HCN1: variants seen among roughly 807,000 people sequenced by gnomAD.
HCN1 encodes potassium/sodium hyperpolarization-activated cyclic nucleotide-gated channel 1.
A neutral mutation model predicts 78.9 loss-of-function variants in HCN1; 13 were observed. The observed-to-expected ratio is 0.16, with a 90% confidence interval of 0.11 to 0.26. The LOEUF (loss-of-function observed/expected upper bound fraction) is 0.26, where lower values mean the gene tolerates loss of function less well. Among genes scored for constraint, HCN1 ranks in the 10% least tolerant of loss-of-function variants. HCN1 has a pLI of 1.00. For missense variants in HCN1, 810 were observed against 1,154.3 expected, an observed-to-expected ratio of 0.70 and a Z score of 4.32; for synonymous variants, 552 against 455.5, an observed-to-expected ratio of 1.21 and a Z score of -2.70.
At chr5:45,618,330 G>A (rs1342544206) in intron 2 of HCN1, among the ~76,000 whole-genome samples, 1 of 152,018 alleles carries the variant, frequency 6.6e-6, no homozygotes, top group Non-Finnish European at 1.5e-5. Flanking sequence ...GTGATAAGCA[G>A]AAGCACAGAG....
At chr5:45,392,002 A>G (rs984246961) in intron 4 of HCN1, among the ~76,000 whole-genome samples, 2 of 152,152 alleles carry the variant, frequency 1.3e-5, no homozygotes, top group African/African-American at 4.8e-5. Context: ...TGTTGAGAGA[A>G]CAATGATCCT....
intron 1 of HCN1, among the ~76,000 whole-genome samples, chr5:45,664,456 A>G (rs1745991503): frequency 6.8e-6 from 1 of 147,560 alleles, no homozygotes. Flanking sequence ...TTAAAGTATA[A>G]TAATAATAAA....
intron 1 of HCN1, among the ~76,000 whole-genome samples, chr5:45,675,843 A>G (rs1746255617): frequency 6.6e-6 from 1 of 151,866 alleles, no homozygotes; most frequent in African/African-American, 2.4e-5. Context: ...TCTAAATAGC[A>G]TGAATAAATG....
At chr5:45,389,487 C>G (rs2112033504) in intron 4 of HCN1, among the ~76,000 whole-genome samples, 1 of 152,184 alleles carries the variant, frequency 6.6e-6, no homozygotes, top group Non-Finnish European at 1.5e-5. Flanking sequence ...CCTCCTAACC[C>G]CACCCACTAT....
At chr5:45,341,213 C>T (rs1746573410) in intron 5 of HCN1, among the ~76,000 whole-genome samples, 1 of 152,078 alleles carries the variant, frequency 6.6e-6, no homozygotes, top group Non-Finnish European at 1.5e-5. Context: ...AAGATGAAGC[C>T]CATAACAGCA....
chr5:45,364,881 G>A (rs1747201481), intron 4 of HCN1, among the ~76,000 whole-genome samples: 1 of 152,064 alleles, frequency 6.6e-6, no homozygotes, highest in Non-Finnish European at 1.5e-5. Context: ...GAGAATTACA[G>A]TAGTTGAGAT....
At chr5:45,410,972 A>G (rs1740010628) in intron 3 of HCN1, among the ~76,000 whole-genome samples, 1 of 152,132 alleles carries the variant, frequency 6.6e-6, no homozygotes, top group South Asian at 2.1e-4. Flanking sequence ...ACAACTTCAC[A>G]GAGAATTCAA....
chr5:45,523,577 T>C (rs1276376132), intron 2 of HCN1, among the ~76,000 whole-genome samples: 5 of 152,184 alleles, frequency 3.3e-5, no homozygotes, highest in Non-Finnish European at 5.9e-5. Flanking sequence ...TGGTATCTCA[T>C]TGTGGTTTTG....
At chr5:45,675,486 T>C (rs951914644) in intron 1 of HCN1, among the ~76,000 whole-genome samples, 2 of 151,830 alleles carry the variant, frequency 1.3e-5, no homozygotes, top group Admixed American at 1.3e-4. Flanking sequence ...CTAAATTCTC[T>C]CTATACACAC....
chr5:45,674,760 A>G (rs1230608895), intron 1 of HCN1, among the ~76,000 whole-genome samples: 2 of 151,740 alleles, frequency 1.3e-5, no homozygotes, highest in African/African-American at 2.4e-5. Flanking sequence ...ATAAGAAAGT[A>G]TAGAATAAAT....
Position 45,258,636 on chromosome 5 carries a change from T to A in HCN1, c.*3285A>T, listed in dbSNP as rs1034997268. 1.3e-5 allele frequency: 2 copies of A among 152,118 alleles called. No individual in the cohort carries two copies. Among genetic ancestry groups the A allele is most frequent in the Non-Finnish European group, 2.9e-5 (2 of 67,976 alleles). 9.4% of individuals were successfully genotyped at this position (152,118 alleles called of 1,614,324 possible). On this transcript the variant is annotated 3_prime_UTR_variant, in exon 8 of 8. Transcript: ENST00000303230. ...TGGGGAGGTTCTATCACTCTCCAAA[T>A]AACTTTGCAGGGCCCAAGGCTATAA...
chr5:45,274,137 A>G (rs1227544519), intron 6 of HCN1, among the ~76,000 whole-genome samples: 1 of 152,148 alleles, frequency 6.6e-6, no homozygotes, highest in Non-Finnish European at 1.5e-5. Context: ...TCATGTATAG[A>G]TTACATATTA....
chr5:45,285,784 C>G (rs556078308), intron 6 of HCN1, among the ~76,000 whole-genome samples: 46 of 151,970 alleles, frequency 3.0e-4, no homozygotes, highest in Admixed American at 1.2e-3. Context: ...ATCCATACCC[C>G]CTTGCAGAAC....
intron 2 of HCN1, among the ~76,000 whole-genome samples, chr5:45,485,495 A>G (rs1424087740): frequency 1.3e-5 from 2 of 152,120 alleles, no homozygotes; most frequent in African/African-American, 4.8e-5. Context: ...AAAACAAAAC[A>G]GTTTTTTCAT....
In HCN1 at chr5:45,426,193, T is replaced by C. The variant is rs549055375; in HGVS notation, c.1012-29483A>G. On this transcript the variant is annotated intron_variant, in intron 3 of 7. Transcript: ENST00000303230. Reference sequence around the variant, plus strand: ...TGCATGTGATTCTTACGTTGCAATATTTACATGTATGGTGAATACCTTTTT... The same window carrying C: ...TGCATGTGATTCTTACGTTGCAATACTTACATGTATGGTGAATACCTTTTT... Among the ~76,000 whole-genome samples the C allele has an allele frequency of 1.6e-4, 24 of 152,334 alleles. No individual in the cohort carries two copies. The East Asian group carries it at 4.6e-3, about 29-fold the overall frequency.
chr5:45,450,968 C>T (rs1740903661), intron 3 of HCN1, among the ~76,000 whole-genome samples: 1 of 152,088 alleles, frequency 6.6e-6, no homozygotes, highest in African/African-American at 2.4e-5. Flanking sequence ...GCTTCTATCT[C>T]CTACTTCTAT....
chr5:45,566,643 A>T (rs1029479699), intron 2 of HCN1, among the ~76,000 whole-genome samples: 4 of 152,184 alleles, frequency 2.6e-5, no homozygotes, highest in Non-Finnish European at 4.4e-5. Context: ...AAGAGGAAAG[A>T]AAAATAACAA....
chr5:45,450,887 T>G (rs1171673200), intron 3 of HCN1, among the ~76,000 whole-genome samples: 1 of 152,148 alleles, frequency 6.6e-6, no homozygotes, highest in African/African-American at 2.4e-5. Flanking sequence ...GTGACAATGG[T>G]GAATGGTCTC....
intron 2 of HCN1, chr5:45,560,028 A>C (rs1364433522): frequency 1.3e-5 from 2 of 152,168 alleles, no homozygotes; most frequent in South Asian, 2.1e-4. Flanking sequence ...TTTACCAATA[A>C]AGAATTTTTT....
Sources: allele counts gnomAD v4.1 joint callset (sites outside exome capture counted in the v4.1 genomes callset), GRCh38; gene constraint gnomAD v4.1.1; transcripts MANE v1.5; gene names NCBI Gene and HGNC (gene_info 2026-07-23, HGNC 2026-07-21).